The following GNG7 variants were observed in gnomAD, a reference collection of about 807,000 sequenced individuals.
The protein encoded by GNG7 is G protein subunit gamma 7.
A neutral mutation model predicts 4.0 loss-of-function variants in GNG7; 1 was observed. The observed-to-expected ratio is 0.25, with a 90% CI of 0.09 to 1.18. GNG7 has a LOEUF of 1.18. Ranked by LOEUF, GNG7 falls within the 50% of genes most tolerant of loss-of-function variation. The pLI is 0.50. For synonymous variants in GNG7, 34 were observed against 36.9 expected, an observed-to-expected ratio of 0.92 and a Z score of 0.29; for missense variants, 86 against 91.9, an observed-to-expected ratio of 0.94 and a Z score of 0.26.
In GNG7 at chr19:2,633,470, G is replaced by GGCGCGC. The variant is rs71337161; in HGVS notation, c.-78+12748_-78+12753dup. 1.1e-3 allele frequency among the ~76,000 whole-genome samples: 149 copies of GGCGCGC among 132,422 alleles called. 4 individuals are homozygous for GGCGCGC. The highest frequency in any genetic ancestry group is 4.7e-3 in the African/African-American group (143 of 30,534). The allele number at this position is 132,422 out of a possible 152,430, so 86.9% of individuals were successfully genotyped here. On this transcript the variant is annotated intron_variant, in intron 2 of 4. Transcript: ENST00000382159. This position sits in a 1 kb window ranked among gnomAD's most constrained non-coding sequence, Gnocchi z 5.9. The stretch of plus-strand genomic sequence containing the variant: ...CTGTTCAAGCGGTTGCTTAGCAACA[G>GGCGCGC]GCGCGCGCGCGCGCGCGCACACACA...
intron 2 of GNG7, among the ~76,000 whole-genome samples, chr19:2,572,457 G>C (rs1355200614): frequency 1.3e-5 from 2 of 151,830 alleles, no homozygotes; most frequent in Non-Finnish European, 2.9e-5. Flanking sequence ...TTTTGAGACG[G>C]AGTCTCGCTC....
chr19:2,577,589 A>T (rs1188071391), intron 2 of GNG7, among the ~76,000 whole-genome samples: 3 of 151,226 alleles, frequency 2.0e-5, no homozygotes, highest in Non-Finnish European at 4.4e-5. Context: ...TAATCCTAGC[A>T]CTTTGGGAGG....
intron 1 of GNG7, among the ~76,000 whole-genome samples, chr19:2,656,979 C>T (rs1014378696): frequency 1.2e-4 from 18 of 151,986 alleles, no homozygotes; most frequent in African/African-American, 3.6e-4. Context: ...GGTGGGGCAG[C>T]GGAGAGGCCT....
chr19:2,587,925 G>T (rs569922550), intron 2 of GNG7, among the ~76,000 whole-genome samples: 106 of 151,508 alleles, frequency 7.0e-4, no homozygotes, highest in Admixed American at 1.9e-3. Context: ...GAGAGAGAAG[G>T]AAGGAAGGAA....
At chr19:2,568,853 CA>C (rs2144778670) in intron 2 of GNG7, among the ~76,000 whole-genome samples, 1 of 152,002 alleles carries the variant, frequency 6.6e-6, no homozygotes, top group Admixed American at 6.6e-5. Flanking sequence ...CAAATACACA[CA>C]AATATACACA....
intron 3 of GNG7, among the ~76,000 whole-genome samples, chr19:2,526,486 A>G (rs1978400789): frequency 6.9e-6 from 1 of 145,978 alleles, no homozygotes; most frequent in Non-Finnish European, 1.5e-5. Flanking sequence ...ATTTTATTAT[A>G]TATTTGTTTA....
chr19:2,543,903 C>T (rs1979044056), intron 3 of GNG7, among the ~76,000 whole-genome samples: 1 of 152,208 alleles, frequency 6.6e-6, no homozygotes, highest in South Asian at 2.1e-4. Context: ...CAACCTTCAT[C>T]TGGCTCTAAA....
At chr19:2,612,536 C>T (rs572246114) in intron 2 of GNG7, among the ~76,000 whole-genome samples, 110 of 152,104 alleles carry the variant, frequency 7.2e-4, no homozygotes, top group African/African-American at 2.5e-3. Flanking sequence ...CAGGCTCCCA[C>T]GGCACAAAAG....
At position 2,585,955 on chromosome 19, in the gene GNG7, C is replaced by T. The variant is rs921682353; in HGVS notation, c.-77-30767G>A. Among the ~76,000 whole-genome samples the T allele has an allele frequency of 2.0e-5, 3 of 152,350 alleles. No homozygotes were observed. The South Asian group carries it at 6.2e-4, about 32-fold the overall frequency. On this transcript the variant is annotated intron_variant, in intron 2 of 4. Coordinates refer to ENST00000382159, the MANE Select transcript of GNG7 (RefSeq NM_052847.3). ...GACCTCGTGATCCACCCGCCTCGGC[C>T]TCCCAAAGTGCTGGGATTACAGGCG...
rs1477486089 is a variant in GNG7, at chr19:2,557,824, G to A, written c.-77-2636C>T. ...CTCCTTATTCTGATGGGGTGACTCG[G>A]TGCATTTCTCTCTCAGGCTTACTTT... On this transcript the variant is annotated intron_variant, in intron 2 of 4. Coordinates refer to ENST00000382159, the MANE Select transcript of GNG7 (RefSeq NM_052847.3). This position sits in a 1 kb window ranked among gnomAD's most constrained non-coding sequence, Gnocchi z 5.1. Among the ~76,000 whole-genome samples the A allele has an allele frequency of 6.6e-6, 1 of 152,096 alleles. No homozygotes were observed. The highest frequency in any genetic ancestry group is 2.4e-5 in the African/African-American group (1 of 41,416).
intron 1 of GNG7, chr19:2,700,586 A>G (rs1374948229): frequency 6.6e-6 from 1 of 152,260 alleles, no homozygotes; most frequent in South Asian, 2.1e-4. Context: ...AAACCCACCA[A>G]AGAAAAAAAC....
chr19:2,690,289 G>A (rs376569972), intron 1 of GNG7, among the ~76,000 whole-genome samples: 1 of 152,070 alleles, frequency 6.6e-6, no homozygotes. Context: ...GGCTGAGGCA[G>A]GAGAATGGCC....
At chr19:2,562,683 G>C (rs1169763427) in intron 2 of GNG7, among the ~76,000 whole-genome samples, 3 of 152,124 alleles carry the variant, frequency 2.0e-5, no homozygotes, top group Non-Finnish European at 4.4e-5. Context: ...AGTGTACCCT[G>C]GTCAGGGGGG....
chr19:2,604,908 C>T (rs572605357), intron 2 of GNG7, among the ~76,000 whole-genome samples: 4 of 152,308 alleles, frequency 2.6e-5, no homozygotes, highest in East Asian at 3.9e-4. Flanking sequence ...TAGATTCTGT[C>T]GTTGGAGTCC....
intron 2 of GNG7, chr19:2,643,703 T>A (rs1982583297): frequency 2.2e-6 from 1 of 451,978 alleles, no homozygotes; most frequent in Admixed American, 2.4e-5. Flanking sequence ...TGTCACAGCT[T>A]CACTGGGGTG....
chr19:2,657,804 C>T (rs748966559), intron 1 of GNG7, among the ~76,000 whole-genome samples: 1 of 152,138 alleles, frequency 6.6e-6, no homozygotes, highest in Non-Finnish European at 1.5e-5. Flanking sequence ...AGACTGAGGG[C>T]ACGAGCTGCC....
Position 2,633,483 on chromosome 19 carries a change from GCGCGCA to G in GNG7, c.-78+12735_-78+12740del, listed in dbSNP as rs1192038740. Among the ~76,000 whole-genome samples, 34 of 80,382 alleles carry G rather than the reference GCGCGCA, an allele frequency of 4.2e-4. No individual in the cohort carries two copies. The highest frequency in any genetic ancestry group is 3.4e-3 in the South Asian group (6 of 1,788). The allele number at this position is 80,382 out of a possible 152,430, so 52.7% of individuals were successfully genotyped here. A position where few individuals can be genotyped will look rare whatever the true frequency, so the allele number is the denominator to read the frequency against. The stretch of plus-strand genomic sequence containing the variant: ...TGCTTAGCAACAGGCGCGCGCGCGC[GCGCGCA>G]CACACACACACACACACACACACAC... On this transcript the variant is annotated intron_variant, in intron 2 of 4. Transcript: ENST00000382159. The surrounding 1 kb of genome is among the most constrained non-coding windows in gnomAD (Gnocchi z 5.9).
chr19:2,530,856 T>C (rs1232960135), intron 3 of GNG7, among the ~76,000 whole-genome samples: 1 of 152,132 alleles, frequency 6.6e-6, no homozygotes, highest in African/African-American at 2.4e-5. Flanking sequence ...CACTTTTTCC[T>C]GGGGTTGGGA....
intron 2 of GNG7, among the ~76,000 whole-genome samples, chr19:2,570,226 G>A (rs931055387): frequency 7.2e-5 from 11 of 152,174 alleles, no homozygotes; most frequent in African/African-American, 2.7e-4. Flanking sequence ...TGCCATGAGT[G>A]GAAACTTCCT....
Sources: allele counts gnomAD v4.1 joint callset (sites outside exome capture counted in the v4.1 genomes callset), GRCh38; gene constraint gnomAD v4.1.1; non-coding constraint Gnocchi (gnomAD v3.1); transcripts MANE v1.5; gene names NCBI Gene and HGNC (gene_info 2026-07-23, HGNC 2026-07-21).